The following ARAP2 variants were observed in gnomAD, a reference collection of about 807,000 sequenced individuals.
ARAP2 encodes the protein arf-GAP with Rho-GAP domain, ANK repeat and PH domain-containing protein 2.
Under a neutral mutation model 194.5 loss-of-function variants are expected in ARAP2, and 148 were observed. That is an observed-to-expected ratio of 0.76 (90% CI 0.67 to 0.87). The LOEUF (loss-of-function observed/expected upper bound fraction) is 0.87, where lower values mean the gene tolerates loss of function less well. Among genes scored for constraint, ARAP2 ranks in the 40% least tolerant of loss-of-function variants. The pLI, the probability that ARAP2 is intolerant of heterozygous loss-of-function variation, is 0.00. For synonymous variants in ARAP2, 695 were observed against 683.5 expected, an observed-to-expected ratio of 1.02 and a Z score of -0.26; for missense variants, 2,128 against 1,989.7, an observed-to-expected ratio of 1.07 and a Z score of -1.32.
intron 30 of ARAP2, 86 bp from the exon 31 acceptor site, chr4:36,080,365 A>AG: frequency 9.1e-7 from 1 of 1,096,236 alleles, no homozygotes. Flanking sequence ...TGGTGATCAA[A>AG]AATCTCTGGG....
chr4:36,014,277 GAAAGAAAGAAAGAA>G (rs1715209049), intron 8 of ARAP2, among the ~76,000 whole-genome samples: 2 of 139,246 alleles, frequency 1.4e-5, no homozygotes, highest in African/African-American at 5.4e-5. Context: ...AAGAAAGAAA[GAAAGAAAGAAAGAA>G]AGAAAGAAGA....
chr4:36,050,270 T>C (rs747876895), intron 3 of ARAP2, among the ~76,000 whole-genome samples: 1 of 152,236 alleles, frequency 6.6e-6, no homozygotes, highest in Non-Finnish European at 1.5e-5. Context: ...TAAGCAGTTA[T>C]TTCAGCCAGA....
At chr4:36,099,657 G>C (rs900070661) in intron 27 of ARAP2, among the ~76,000 whole-genome samples, 2 of 152,002 alleles carry the variant, frequency 1.3e-5, no homozygotes, top group African/African-American at 4.8e-5. Context: ...CTTCAATCTA[G>C]GCAAGAGCTG....
intron 27 of ARAP2, among the ~76,000 whole-genome samples, chr4:36,105,131 C>T (rs1439055794): frequency 6.6e-6 from 1 of 151,954 alleles, no homozygotes; most frequent in Non-Finnish European, 1.5e-5. Flanking sequence ...ACCAGCCTGG[C>T]TAACATGGTG....
chr4:36,025,058 A>T (rs1476303094), intron 5 of ARAP2, among the ~76,000 whole-genome samples: 1 of 152,114 alleles, frequency 6.6e-6, no homozygotes, highest in African/African-American at 2.4e-5. Context: ...CTTACTAATC[A>T]CATATTCAAC....
At chr4:36,240,498 C>T (rs1057208780) in intron 1 of ARAP2, among the ~76,000 whole-genome samples, 2 of 152,212 alleles carry the variant, frequency 1.3e-5, no homozygotes, top group Non-Finnish European at 2.9e-5. Context: ...GGGATTCCAG[C>T]TCTGCCATGT....
intron 6 of ARAP2, among the ~76,000 whole-genome samples, chr4:36,206,518 T>C (rs1267403467): frequency 6.6e-6 from 1 of 152,324 alleles, no homozygotes; most frequent in South Asian, 2.1e-4. Context: ...TACCTAAAAA[T>C]GCCAGTTAAA....
chr4:36,232,554 C>G (rs1475434795), intron 1 of ARAP2, among the ~76,000 whole-genome samples: 1 of 152,224 alleles, frequency 6.6e-6, no homozygotes, highest in Non-Finnish European at 1.5e-5. Flanking sequence ...GCCAAACATT[C>G]TACCAATATC....
chr4:36,160,410 A>T (rs369073218), intron 13 of ARAP2, 49 bp downstream of exon 13: 17 of 1,416,726 alleles, frequency 1.2e-5, no homozygotes, highest in African/African-American at 1.5e-5. Context: ...TTGGCACATC[A>T]TTAAAAAGAC....
In ARAP2 at chr4:36,159,511, C is replaced by A; in HGVS notation, c.2443-6G>T. On this transcript the variant is annotated splice_polypyrimidine_tract_variant and splice_region_variant and intron_variant, in intron 13 of 32. Transcript: ENST00000303965. ...ACTACAGCAGCACATAGAGCCTGGTCATTAAAAGAAAATATACATCTTAAG... is the reference window on the plus strand; with the variant it reads ...ACTACAGCAGCACATAGAGCCTGGTAATTAAAAGAAAATATACATCTTAAG... 1 of 1,495,900 alleles carries A rather than the reference C, an allele frequency of 6.7e-7. No homozygotes were observed. The highest frequency in any genetic ancestry group is 1.4e-5 in the South Asian group (1 of 73,154). 92.7% of individuals were successfully genotyped at this position (1,495,900 alleles called of 1,614,324 possible).
At chr4:36,192,549 T>C (rs1467122541) in intron 7 of ARAP2, among the ~76,000 whole-genome samples, 2 of 152,158 alleles carry the variant, frequency 1.3e-5, no homozygotes, top group Non-Finnish European at 2.9e-5. Flanking sequence ...TTCCTCCTTA[T>C]TTCAATCAAA....
intron 19 of ARAP2, among the ~76,000 whole-genome samples, chr4:36,136,492 C>T (rs563812612): frequency 6.6e-6 from 1 of 151,802 alleles, no homozygotes; most frequent in South Asian, 2.1e-4. Flanking sequence ...GAAGCATAAA[C>T]AATCATATTT....
chr4:36,215,699 T>A (rs1218595341), intron 2 of ARAP2, among the ~76,000 whole-genome samples: 1 of 152,112 alleles, frequency 6.6e-6, no homozygotes. Flanking sequence ...AATTTTAAAA[T>A]GGGTTAACCT....
At chr4:36,157,270 A>C (rs1344064311) in intron 15 of ARAP2, 1 of 152,162 alleles carries the variant, frequency 6.6e-6, no homozygotes, top group Non-Finnish European at 1.5e-5. Context: ...AAAGTACCGT[A>C]ATTATTTTGA....
downstream of ARAP2, among the ~76,000 whole-genome samples, chr4:36,062,245 C>T (rs1205441513): frequency 6.6e-6 from 1 of 152,122 alleles, no homozygotes; most frequent in Non-Finnish European, 1.5e-5. Context: ...AAAAAGTTTC[C>T]TCAATGCACC....
intron 2 of ARAP2, among the ~76,000 whole-genome samples, chr4:36,215,860 A>G (rs915364729): frequency 5.9e-4 from 89 of 150,630 alleles, no homozygotes; most frequent in African/African-American, 2.0e-3. Flanking sequence ...AAAAAAAAAA[A>G]CAAAAACAAA....
intron 26 of ARAP2, 94 bp from the exon 27 acceptor site, chr4:36,107,787 C>G (rs7688562): frequency 0.94 from 1,211,150 of 1,285,834 alleles, 570,557 homozygotes; most frequent in African/African-American, 0.98. Context: ...CATTTGAAAA[C>G]ATCTGTAGGC....
intron 26 of ARAP2, 45 bp from the exon 27 acceptor site, chr4:36,107,738 A>T: frequency 2.6e-6 from 4 of 1,532,370 alleles, no homozygotes; most frequent in Non-Finnish European, 2.6e-6. Flanking sequence ...ATATGAGGAT[A>T]ACAATTTTTT....
Position 36,228,774 on chromosome 4 carries a change from T to C in ARAP2, c.713A>G (p.Glu238Gly). ...AAAGAATGGGGATGGTGGTGATCCT[T>C]CTAATAAACCATTTGTTCCATTTCC... ...NSGNGTNGLL[E>G]GSPPSPFFKF... is the part of the protein sequence containing the mutation. The change falls in exon 2 of 33, where the codon GAA becomes GGA. Residue 238 changes from glutamate to glycine, a missense_variant. Physicochemically the swap from Glu to Gly is moderately conservative, Grantham distance 98. Coordinates refer to ENST00000303965, the MANE Select transcript of ARAP2 (RefSeq NM_015230.4). The C allele has an allele frequency of 6.2e-7, 1 of 1,614,118 alleles. No homozygotes were observed.
Sources: allele counts gnomAD v4.1 joint callset (sites outside exome capture counted in the v4.1 genomes callset), GRCh38; gene constraint gnomAD v4.1.1; transcripts MANE v1.5; gene names NCBI Gene and HGNC (gene_info 2026-07-23, HGNC 2026-07-21).